AGPAT4: variants seen among roughly 807,000 people sequenced by gnomAD.
AGPAT4 encodes the protein 1-acyl-sn-glycerol-3-phosphate acyltransferase delta.
A neutral mutation model predicts 48.0 loss-of-function variants in AGPAT4; 15 were observed. The observed-to-expected ratio is 0.31, with a 90% confidence interval of 0.21 to 0.48. AGPAT4 has a LOEUF of 0.48. Ranked by LOEUF, AGPAT4 falls within the 20% of genes least tolerant of loss-of-function variation. The pLI is 0.99. For missense variants in AGPAT4, 314 were observed against 482.5 expected, an observed-to-expected ratio of 0.65 and a Z score of 3.27; for synonymous variants, 178 against 198.7, an observed-to-expected ratio of 0.90 and a Z score of 0.88.
At position 161,225,968 on chromosome 6, in the gene AGPAT4, T is replaced by A. The variant is rs1781969184; in HGVS notation, c.178+6068A>T. Among the ~76,000 whole-genome samples the A allele has an allele frequency of 2.0e-5, 3 of 152,166 alleles. No individual in the cohort carries two copies. Among genetic ancestry groups the A allele is most frequent in the Non-Finnish European group, 4.4e-5 (3 of 68,014 alleles). ...ATCCGACTTGACTCGCCAAAGCCACTGTTGTTCAGCTACTCTGAAGGGAGA... is the reference window on the plus strand; with the variant it reads ...ATCCGACTTGACTCGCCAAAGCCACAGTTGTTCAGCTACTCTGAAGGGAGA... On this transcript the variant is annotated intron_variant, in intron 2 of 8. Coordinates refer to ENST00000320285, the MANE Select transcript of AGPAT4 (RefSeq NM_020133.3). The surrounding 1 kb of genome is among the most constrained non-coding windows in gnomAD (Gnocchi z 5.0).
At position 161,244,435 on chromosome 6, in the gene AGPAT4, G is replaced by A. The variant is rs115823169; in HGVS notation, c.-89-12133C>T. Among the ~76,000 whole-genome samples, 4,551 of 152,198 alleles carry A rather than the reference G, an allele frequency of 0.03. 229 individuals carry two copies. Among genetic ancestry groups the A allele is most frequent in the African/African-American group, 0.1 (4,352 of 41,506 alleles). On this transcript the variant is annotated intron_variant, in intron 1 of 8. Coordinates refer to ENST00000320285, the MANE Select transcript of AGPAT4 (RefSeq NM_020133.3). This position sits in a 1 kb window ranked among gnomAD's most constrained non-coding sequence, Gnocchi z 4.7. ...AGCCTTTAAAGTTAAGGTTTATGGC[G>A]AAATTTAAAATGTTGGCAGTTTCCT... is the stretch of plus-strand genomic sequence containing the variant.
chr6:161,136,507 AAGGTTCCCTTCGG>A lies in AGPAT4; in HGVS notation c.*20_*32del, dbSNP rs1187680434. 4.4e-6 allele frequency: 7 copies of A among 1,600,036 alleles called. No homozygotes were observed. The highest frequency in any genetic ancestry group is 6.0e-6 in the Non-Finnish European group (7 of 1,167,650). On this transcript the variant is annotated 3_prime_UTR_variant, in exon 9 of 9. Coordinates refer to ENST00000320285, the MANE Select transcript of AGPAT4 (RefSeq NM_020133.3). Reference sequence around the variant, plus strand: ...GATATGCAGAGGCCACCAGTTCCCCAAGGTTCCCTTCGGATGGTGACACCTCCCTGAGTCAGTC... The same window carrying A: ...GATATGCAGAGGCCACCAGTTCCCCAATGGTGACACCTCCCTGAGTCAGTC...
rs1698619550 is a variant in AGPAT4 at position 161,255,067 on chromosome 6, T to C, written c.-90+18871A>G. ...TTCTGAAGCAAAGATACACTAAGTC[T>C]AGACAGGCCCTGGTTCCCTGTGATA... On this transcript the variant is annotated intron_variant, in intron 1 of 8. Coordinates refer to ENST00000320285, the MANE Select transcript of AGPAT4 (RefSeq NM_020133.3). The surrounding 1 kb of genome is among the most constrained non-coding windows in gnomAD (Gnocchi z 4.7). Among the ~76,000 whole-genome samples, 1 of 152,172 alleles carries C rather than the reference T, an allele frequency of 6.6e-6. No homozygotes were observed. The highest frequency in any genetic ancestry group is 6.5e-5 in the Admixed American group (1 of 15,284).
chr6:161,143,027 G>A lies in AGPAT4; in HGVS notation c.844-3407C>T, dbSNP rs1779304022. ...TGAACTCTGCACCCCACCCAGAGCT[G>A]CTCCCGACCTTGGCCTCCACAGGAC... On this transcript the variant is annotated intron_variant, in intron 7 of 8. Transcript: ENST00000320285. This position sits in a 1 kb window ranked among gnomAD's most constrained non-coding sequence, Gnocchi z 4.7. Among the ~76,000 whole-genome samples, 1 of 152,198 alleles carries A rather than the reference G, an allele frequency of 6.6e-6. No individual in the cohort carries two copies. The highest frequency in any genetic ancestry group is 2.4e-5 in the African/African-American group (1 of 41,446).
intron 2 of AGPAT4, among the ~76,000 whole-genome samples, chr6:161,176,868 C>T (rs568850359): frequency 1.9e-4 from 29 of 152,250 alleles, no homozygotes; most frequent in Non-Finnish European, 3.7e-4. Context: ...ATTTGCTTGT[C>T]TGTAAAGGAT....
Position 161,251,410 on chromosome 6 carries a change from C to G in AGPAT4, c.-89-19108G>C, listed in dbSNP as rs1040209032. On this transcript the variant is annotated intron_variant, in intron 1 of 8. Coordinates refer to ENST00000320285, the MANE Select transcript of AGPAT4 (RefSeq NM_020133.3). The surrounding 1 kb of genome is among the most constrained non-coding windows in gnomAD (Gnocchi z 4.6). ...ACTATTCCTTTGATAGATGAGAAAG[C>G]TGACAGCTAGAGTGTTAAGTGACCT... Among the ~76,000 whole-genome samples, 1 of 152,160 alleles carries G rather than the reference C, an allele frequency of 6.6e-6. No individual in the cohort carries two copies. The highest frequency in any genetic ancestry group is 6.5e-5 in the Admixed American group (1 of 15,272).
Position 161,238,719 on chromosome 6 carries a change from C to T in AGPAT4, c.-89-6417G>A, listed in dbSNP as rs544467089. Among the ~76,000 whole-genome samples the T allele has an allele frequency of 1.4e-4, 21 of 152,226 alleles. No individual in the cohort carries two copies. In the South Asian group the frequency reaches 4.3e-3, roughly 32 times the overall value. On this transcript the variant is annotated intron_variant, in intron 1 of 8. Transcript: ENST00000320285. The surrounding 1 kb of genome is among the most constrained non-coding windows in gnomAD (Gnocchi z 5.2). ...TGTAGTTCCCATAATCTCCACATGT[C>T]GTGGGAGGGAACCAGTGGGAGGTAA...
Position 161,200,347 on chromosome 6 carries a change from G to A in AGPAT4, c.178+31689C>T, listed in dbSNP as rs1781190516. 6.6e-6 allele frequency among the ~76,000 whole-genome samples: 1 copy of A among 152,234 alleles called. No individual in the cohort carries two copies. Among genetic ancestry groups the A allele is most frequent in the South Asian group, 2.1e-4 (1 of 4,830 alleles). On this transcript the variant is annotated intron_variant, in intron 2 of 8. Transcript: ENST00000320285. The surrounding 1 kb of genome is among the most constrained non-coding windows in gnomAD (Gnocchi z 5.5). ...AAGGCCTGTGTGCCAGGTACTATAG[G>A]AAGGGATGCACAGTAAATGATGGAG...
chr6:161,162,848 G>A (rs1779976671), intron 3 of AGPAT4, among the ~76,000 whole-genome samples: 1 of 152,232 alleles, frequency 6.6e-6, no homozygotes, highest in Admixed American at 6.5e-5. Context: ...GACCTGCTAA[G>A]GGAAAAAGAT....
Position 161,180,976 on chromosome 6 carries a change from C to T in AGPAT4, c.179-14559G>A, listed in dbSNP as rs1460289921. On this transcript the variant is annotated intron_variant, in intron 2 of 8. Coordinates refer to ENST00000320285, the MANE Select transcript of AGPAT4 (RefSeq NM_020133.3). This position sits in a 1 kb window ranked among gnomAD's most constrained non-coding sequence, Gnocchi z 6.4. ...CAAAGTGGAGTTAAGGAAGAAAGGC[C>T]TCTGCTGTCCTATCTGTAAAGATGG... Among the ~76,000 whole-genome samples, 1 of 152,154 alleles carries T rather than the reference C, an allele frequency of 6.6e-6. No individual in the cohort carries two copies. The highest frequency in any genetic ancestry group is 1.5e-5 in the Non-Finnish European group (1 of 68,030).
At position 161,231,097 on chromosome 6, in the gene AGPAT4, CTT is replaced by C. The variant is rs991868222; in HGVS notation, c.178+937_178+938del. On this transcript the variant is annotated intron_variant, in intron 2 of 8. Coordinates refer to ENST00000320285, the MANE Select transcript of AGPAT4 (RefSeq NM_020133.3). The surrounding 1 kb of genome is among the most constrained non-coding windows in gnomAD (Gnocchi z 5.3). ...AAAAATATATCAATAATTTTAGACT[CTT>C]GGCATAATCTTAGTTGATGTTTTTA... is the stretch of plus-strand genomic sequence containing the variant. 8.5e-5 allele frequency among the ~76,000 whole-genome samples: 13 copies of C among 152,074 alleles called. No individual in the cohort carries two copies. Among genetic ancestry groups the C allele is most frequent in the African/African-American group, 2.2e-4 (9 of 41,394 alleles).
Position 161,161,126 on chromosome 6 carries a change from G to A in AGPAT4, c.348+5122C>T. On this transcript the variant is annotated intron_variant, in intron 3 of 8. Transcript: ENST00000320285. The surrounding 1 kb of genome is among the most constrained non-coding windows in gnomAD (Gnocchi z 4.6). The stretch of plus-strand genomic sequence containing the variant: ...CGCACAGAGGAGGAGGAAGCCCCAA[G>A]CTTTCAACAACCCTGGCTTTATGAG... 2.2e-6 allele frequency: 1 copy of A among 456,728 alleles called. No homozygotes were observed. Among genetic ancestry groups the A allele is most frequent in the South Asian group, 1.5e-5 (1 of 64,570 alleles). The allele number at this position is 456,728 out of a possible 1,614,324, so 28.3% of individuals were successfully genotyped here.
rs145184882 is a variant in AGPAT4, at chr6:161,243,157, C to T, written c.-89-10855G>A. On this transcript the variant is annotated intron_variant, in intron 1 of 8. Transcript: ENST00000320285. This position sits in a 1 kb window ranked among gnomAD's most constrained non-coding sequence, Gnocchi z 4.8. ...TTGAAATTGTCGATTTCATCATCGTCATTGCTGCTACGTGGCTGTGGCTGT... is the reference window on the plus strand; with the variant it reads ...TTGAAATTGTCGATTTCATCATCGTTATTGCTGCTACGTGGCTGTGGCTGT... 5.3e-4 allele frequency among the ~76,000 whole-genome samples: 81 copies of T among 152,238 alleles called. No homozygotes were observed. The highest frequency in any genetic ancestry group is 1.9e-3 in the African/African-American group (77 of 41,544).
intron 2 of AGPAT4, among the ~76,000 whole-genome samples, chr6:161,186,738 A>C (rs1780781206): frequency 6.6e-6 from 1 of 151,858 alleles, no homozygotes; most frequent in Non-Finnish European, 1.5e-5. Context: ...TCCCCACCGC[A>C]CTTCCTGAGC....
Position 161,236,794 on chromosome 6 carries a change from C to G in AGPAT4, c.-89-4492G>C, listed in dbSNP as rs924040333. ...GTGGGTGTCTGTAATCCCAGCTACTCGGGAGGCTGAGGCAGGCGAATCACT... is the reference window on the plus strand; with the variant it reads ...GTGGGTGTCTGTAATCCCAGCTACTGGGGAGGCTGAGGCAGGCGAATCACT... On this transcript the variant is annotated intron_variant, in intron 1 of 8. Coordinates refer to ENST00000320285, the MANE Select transcript of AGPAT4 (RefSeq NM_020133.3). The surrounding 1 kb of genome is among the most constrained non-coding windows in gnomAD (Gnocchi z 5.0). Among the ~76,000 whole-genome samples, 1 of 151,694 alleles carries G rather than the reference C, an allele frequency of 6.6e-6. No individual in the cohort carries two copies.
chr6:161,139,629 C>T lies in AGPAT4; in HGVS notation c.844-9G>A. 6.3e-7 allele frequency: 1 copy of T among 1,592,598 alleles called. No homozygotes were observed. Among genetic ancestry groups the T allele is most frequent in the South Asian group, 1.1e-5 (1 of 89,472 alleles). On this transcript the variant is annotated splice_polypyrimidine_tract_variant and intron_variant, in intron 7 of 8. Transcript: ENST00000320285. This position sits in a 1 kb window ranked among gnomAD's most constrained non-coding sequence, Gnocchi z 9.1. ...TCCTCCTGAAAGGCATCCTGGGGGA[C>T]AGGAAAGAGGACCCTCAGACGCCAC...
chr6:161,172,597 A>G (rs868809109), intron 2 of AGPAT4, among the ~76,000 whole-genome samples: 12 of 152,340 alleles, frequency 7.9e-5, no homozygotes, highest in Middle Eastern at 3.4e-3. Context: ...GGGCTTCTTC[A>G]ATATCATATG....
intron 2 of AGPAT4, among the ~76,000 whole-genome samples, chr6:161,181,504 A>AGGG (rs1780589918): frequency 7.0e-6 from 1 of 141,970 alleles, no homozygotes; most frequent in Non-Finnish European, 1.6e-5. Context: ...TGGGGGTAGC[A>AGGG]GGGGGCGGGG....
chr6:161,187,838 C>G (rs1379124929), intron 2 of AGPAT4, among the ~76,000 whole-genome samples: 2 of 152,126 alleles, frequency 1.3e-5, no homozygotes, highest in East Asian at 3.9e-4. Context: ...GCCACCGTGC[C>G]CGGCCCAACT....
Sources: allele counts gnomAD v4.1 joint callset (sites outside exome capture counted in the v4.1 genomes callset), GRCh38; gene constraint gnomAD v4.1.1; non-coding constraint Gnocchi (gnomAD v3.1); transcripts MANE v1.5; gene names NCBI Gene and HGNC (gene_info 2026-07-23, HGNC 2026-07-21).